STRADA: variants seen among roughly 807,000 people sequenced by gnomAD.
The protein encoded by STRADA is STE20-related kinase adapter protein alpha.
A neutral mutation model predicts 55.0 loss-of-function variants in STRADA; 26 were observed. That is an observed-to-expected ratio of 0.47 (90% CI 0.35 to 0.66). The LOEUF is 0.66. Among genes scored for constraint, STRADA ranks in the 30% least tolerant of loss-of-function variants. The probability of loss-of-function intolerance (pLI) is 0.01; values close to 1 mark genes in which losing one functional copy is unlikely to be tolerated. For missense variants in STRADA, 443 were observed against 549.7 expected (o/e 0.81, Z 1.94); for synonymous variants, 197 against 210.9 (o/e 0.93, Z 0.57).
intron 1 of STRADA, among the ~76,000 whole-genome samples, chr17:63,739,812 C>T (rs893176240): frequency 1.4e-5 from 2 of 143,854 alleles, no homozygotes; most frequent in African/African-American, 2.5e-5. Flanking sequence ...TATGTATATA[C>T]ATATAATGTA....
chr17:63,719,514 C>CG (rs1294676085), intron 4 of STRADA, among the ~76,000 whole-genome samples: 1 of 150,546 alleles, frequency 6.6e-6, no homozygotes, highest in Non-Finnish European at 1.5e-5. Context: ...GACAGAGTCT[C>CG]GCTCTATCGC....
rs1309095081 is a variant in STRADA, at chr17:63,740,107, T to TATAAACAC, written c.-45+1633_-45+1634insGTGTTTAT. On this transcript the variant is annotated intron_variant, in intron 1 of 12. Coordinates refer to ENST00000336174, the MANE Select transcript of STRADA (RefSeq NM_001003787.4). ...AACACTATATATATATATATATATA[T>TATAAACAC]ACATACATACATATATATATACACA... is the stretch of plus-strand genomic sequence containing the variant. Among the ~76,000 whole-genome samples the TATAAACAC allele has an allele frequency of 6.0e-5, 3 of 49,648 alleles. 1 individual carries two copies. Among genetic ancestry groups the TATAAACAC allele is most frequent in the African/African-American group, 2.8e-4 (3 of 10,528 alleles). 32.6% of individuals were successfully genotyped at this position (49,648 alleles called of 152,430 possible).
intron 4 of STRADA, among the ~76,000 whole-genome samples, chr17:63,719,486 C>CTT (rs1342178523): frequency 6.2e-5 from 9 of 144,768 alleles, no homozygotes; most frequent in Non-Finnish European, 9.2e-5. Context: ...ATAGATACTA[C>CTT]TTTTTTTTTT....
intron 10 of STRADA, chr17:63,704,894 C>T (rs967087420): frequency 4.4e-5 from 67 of 1,536,102 alleles, no homozygotes; most frequent in Middle Eastern, 1.7e-4. Context: ...TTCCTTTTAC[C>T]GTAGAGTCTT....
chr17:63,706,118 T>G (rs1027336325), intron 10 of STRADA: 2 of 152,280 alleles, frequency 1.3e-5, no homozygotes, highest in African/African-American at 4.8e-5. Context: ...GGGTCTGTTT[T>G]CCCAAGGGTA....
At chr17:63,703,779 A>C in intron 12 of STRADA, 28 bp from the exon 13 acceptor site, 2 of 1,612,274 alleles carry the variant, frequency 1.2e-6, no homozygotes, top group Non-Finnish European at 1.7e-6. Flanking sequence ...GGTGGGTGAC[A>C]GATCCTGTTG....
chr17:63,724,481 G>A (rs552869998), intron 3 of STRADA, among the ~76,000 whole-genome samples: 8 of 146,560 alleles, frequency 5.5e-5, no homozygotes, highest in East Asian at 2.0e-4. Context: ...TCCCTCTGTC[G>A]CCCAGGCTGG....
intron 12 of STRADA, 103 bp from the exon 13 acceptor site, chr17:63,703,854 C>T: frequency 1.4e-5 from 22 of 1,611,210 alleles, no homozygotes; most frequent in Non-Finnish European, 1.7e-5. Flanking sequence ...CTGTCGGAGC[C>T]AACTCCATGA....
At chr17:63,713,782 G>A (rs933678584) in intron 5 of STRADA, among the ~76,000 whole-genome samples, 8 of 152,026 alleles carry the variant, frequency 5.3e-5, no homozygotes, top group Non-Finnish European at 1.2e-4. Flanking sequence ...CGGAAACATG[G>A]CAGCCACAAA....
chr17:63,720,690 C>T (rs530608228), intron 4 of STRADA, among the ~76,000 whole-genome samples: 3 of 151,082 alleles, frequency 2.0e-5, no homozygotes, highest in African/African-American at 4.9e-5. Context: ...AGGAGAATGC[C>T]GTGAACCCGG....
At chr17:63,703,983 C>A (rs763605641) in intron 12 of STRADA, 22 bp downstream of exon 12, 3 of 1,613,724 alleles carry the variant, frequency 1.9e-6, no homozygotes, top group South Asian at 1.1e-5. Flanking sequence ...GAACCAGAAC[C>A]AGAACGAAGG....
rs1270810624 is a variant in STRADA, at chr17:63,707,143, T to C, written c.753+104A>G. 2.7e-6 allele frequency: 4 copies of C among 1,456,972 alleles called. No individual in the cohort carries two copies. The South Asian group carries it at 3.7e-5, about 14-fold the overall frequency. The allele number at this position is 1,456,972 out of a possible 1,614,324, so 90.3% of individuals were successfully genotyped here. A position where few individuals can be genotyped will look rare whatever the true frequency, so the allele number is the denominator to read the frequency against. ...GGCTCCCTCCCTCCAGGAACCCCTTTACCCCACTGGGAGGTTGAGAGCCCC... is the reference window on the plus strand; with the variant it reads ...GGCTCCCTCCCTCCAGGAACCCCTTCACCCCACTGGGAGGTTGAGAGCCCC... On this transcript the variant is annotated intron_variant, in intron 9 of 12. Coordinates refer to ENST00000336174, the MANE Select transcript of STRADA (RefSeq NM_001003787.4).
chr17:63,735,945 T>C (rs1184654920), intron 1 of STRADA, among the ~76,000 whole-genome samples: 1 of 148,904 alleles, frequency 6.7e-6, no homozygotes, highest in Non-Finnish European at 1.5e-5. Flanking sequence ...TCTATTCCTC[T>C]TTTTTTTTTG....
intron 1 of STRADA, among the ~76,000 whole-genome samples, chr17:63,740,125 T>C (rs1215492010): frequency 2.6e-5 from 2 of 77,008 alleles, no homozygotes; most frequent in African/African-American, 6.8e-5. Context: ...TACATATATA[T>C]ATACACATAC....
upstream of STRADA, chr17:63,741,948 C>G (rs1432326610): frequency 6.6e-6 from 1 of 152,250 alleles, no homozygotes; most frequent in East Asian, 1.9e-4. Context: ...CTGCGGCAGG[C>G]CCTAGCAGCC....
At chr17:63,738,040 A>G (rs2038577348) in intron 1 of STRADA, among the ~76,000 whole-genome samples, 1 of 151,514 alleles carries the variant, frequency 6.6e-6, no homozygotes, top group Non-Finnish European at 1.5e-5. Flanking sequence ...AAAAGAAACG[A>G]AAAGAAAAAA....
chr17:63,728,889 C>CAAA (rs72080041), intron 1 of STRADA, among the ~76,000 whole-genome samples: 4,634 of 141,910 alleles, frequency 0.033, 263 homozygotes, highest in African/African-American at 0.11. Flanking sequence ...GAGACTGTCT[C>CAAA]AAAAAAAAAA....
chr17:63,739,170 A>C (rs935699377), intron 1 of STRADA, among the ~76,000 whole-genome samples: 5 of 150,672 alleles, frequency 3.3e-5, no homozygotes, highest in Admixed American at 3.3e-4. Context: ...AAAAAGGGAA[A>C]TAGACACAGG....
At chr17:63,704,753 G>A (rs2035966759) in intron 10 of STRADA, 171 bp from the exon 11 acceptor site, 1 of 1,528,466 alleles carries the variant, frequency 6.5e-7, no homozygotes, top group East Asian at 2.4e-5. Flanking sequence ...AAGAAACGCT[G>A]GTCACTGGCG....
Sources: allele counts gnomAD v4.1 joint callset (sites outside exome capture counted in the v4.1 genomes callset), GRCh38; gene constraint gnomAD v4.1.1; transcripts MANE v1.5; gene names NCBI Gene and HGNC (gene_info 2026-07-23, HGNC 2026-07-21).